KIDINS220: variants seen among roughly 807,000 people sequenced by gnomAD.
The protein encoded by KIDINS220 is kinase D-interacting substrate of 220 kDa.
A neutral mutation model predicts 157.6 loss-of-function variants in KIDINS220; 63 were observed. That is an observed-to-expected ratio of 0.40 (90% CI 0.33 to 0.49). KIDINS220 has a LOEUF of 0.49. Among genes scored for constraint, KIDINS220 ranks in the 20% least tolerant of loss-of-function variants. KIDINS220 has a pLI of 0.66. For missense variants in KIDINS220, 1,772 were observed against 2,171.2 expected (o/e 0.82, Z 3.65); for synonymous variants, 732 against 783.6 (o/e 0.93, Z 1.10).
chr2:8,804,796 T>C (rs575556511), intron 7 of KIDINS220, among the ~76,000 whole-genome samples: 45 of 152,230 alleles, frequency 3.0e-4, no homozygotes, highest in Non-Finnish European at 5.6e-4. Context: ...TATGACCAGA[T>C]GTGTGGGGTT....
At chr2:8,768,779 T>C (rs1474476129) in intron 22 of KIDINS220, among the ~76,000 whole-genome samples, 1 of 152,144 alleles carries the variant, frequency 6.6e-6, no homozygotes, top group East Asian at 1.9e-4. Context: ...CATAATCATC[T>C]AGATTATTCT....
At chr2:8,785,364 G>A (rs1306447055) in intron 17 of KIDINS220, among the ~76,000 whole-genome samples, 1 of 152,122 alleles carries the variant, frequency 6.6e-6, no homozygotes, top group Admixed American at 6.6e-5. Flanking sequence ...ATTTGTCCAA[G>A]CCCACAGAAT....
At chr2:8,798,514 A>G (rs1008803665) in intron 9 of KIDINS220, among the ~76,000 whole-genome samples, 1 of 152,210 alleles carries the variant, frequency 6.6e-6, no homozygotes, top group Non-Finnish European at 1.5e-5. Context: ...AAAAGTAGCA[A>G]TCCCACATAG....
intron 6 of KIDINS220, among the ~76,000 whole-genome samples, chr2:8,808,116 T>C (rs143682045): frequency 3.3e-5 from 5 of 151,072 alleles, no homozygotes; most frequent in Admixed American, 3.3e-4. Context: ...AGAGCAAGAC[T>C]CTGTCTCAAA....
rs752721411 is a variant in KIDINS220, at chr2:8,786,365, A to G, written c.1788-8T>C. 1.5e-5 allele frequency: 24 copies of G among 1,606,366 alleles called. No individual in the cohort carries two copies. Among genetic ancestry groups the G allele is most frequent in the Middle Eastern group, 3.3e-4 (2 of 6,068 alleles). On this transcript the variant is annotated splice_region_variant and splice_polypyrimidine_tract_variant and intron_variant, in intron 15 of 29. Coordinates refer to ENST00000256707, the MANE Select transcript of KIDINS220 (RefSeq NM_020738.4). ...TAATCTGTAAACAAAAACCTTGAAG[A>G]AAAGAACAAATCAAACATTACTTTA...
chr2:8,787,494 A>G (rs936751454), intron 15 of KIDINS220, among the ~76,000 whole-genome samples: 3 of 151,300 alleles, frequency 2.0e-5, no homozygotes, highest in Non-Finnish European at 2.9e-5. Context: ...TCAGCCTCCC[A>G]AGCAGCTAGA....
At chr2:8,788,404 G>A (rs901876233) in intron 15 of KIDINS220, among the ~76,000 whole-genome samples, 1 of 152,002 alleles carries the variant, frequency 6.6e-6, no homozygotes, top group Non-Finnish European at 1.5e-5. Context: ...AAGTAGCTAG[G>A]ACTACAGGCA....
At chr2:8,787,193 T>C (rs1026695000) in intron 15 of KIDINS220, among the ~76,000 whole-genome samples, 1 of 152,172 alleles carries the variant, frequency 6.6e-6, no homozygotes, top group African/African-American at 2.4e-5. Context: ...TGTTTTCCTT[T>C]TAACTTTTTC....
rs755623980 is a variant in KIDINS220, at chr2:8,786,277, T to A, written c.1868A>T (p.Asp623Val). 5 of 1,614,116 alleles carry A rather than the reference T, an allele frequency of 3.1e-6. No homozygotes were observed. In the Admixed American group the frequency reaches 6.7e-5, roughly 22 times the overall value. Residue 623 changes from aspartate to valine, a missense_variant, in exon 16 of 30, where the codon GAT becomes GTT. Physicochemically the swap from Asp to Val is radical, Grantham distance 152. Transcript: ENST00000256707. Reference sequence around the variant, plus strand: ...AAAGCCAAACTCTCTTTCACAAGCATCCGAGAGGGTTGCAATCATTTCAGC... The same window carrying A: ...AAAGCCAAACTCTCTTTCACAAGCAACCGAGAGGGTTGCAATCATTTCAGC... ...SLAEMIATLS[D>V]ACEREFGFLA...
At position 8,831,066 on chromosome 2, in the gene KIDINS220, C is replaced by T. The variant is rs540097552; in HGVS notation, c.-36-3937G>A. Among the ~76,000 whole-genome samples, 3 of 152,286 alleles carry T rather than the reference C, an allele frequency of 2.0e-5. No homozygotes were observed. In the East Asian group the frequency reaches 5.8e-4, roughly 29 times the overall value. On this transcript the variant is annotated intron_variant, in intron 1 of 29. Coordinates refer to ENST00000256707, the MANE Select transcript of KIDINS220 (RefSeq NM_020738.4). Reference sequence around the variant, plus strand: ...AAGAGTGACCTACAATACATCTCTCCTAAAACCAAGGTTGGGAGGACAGAT... The same window carrying T: ...AAGAGTGACCTACAATACATCTCTCTTAAAACCAAGGTTGGGAGGACAGAT...
At chr2:8,786,832 C>A (rs1672463639) in intron 15 of KIDINS220, among the ~76,000 whole-genome samples, 1 of 152,170 alleles carries the variant, frequency 6.6e-6, no homozygotes. Context: ...TTTAAAAACT[C>A]AAGTTTTAGC....
intron 21 of KIDINS220, among the ~76,000 whole-genome samples, chr2:8,771,391 C>T (rs2148165087): frequency 6.6e-6 from 1 of 152,296 alleles, no homozygotes; most frequent in East Asian, 1.9e-4. Context: ...TATTTTAAAA[C>T]AACCCTGTCT....
At chr2:8,830,416 C>T (rs1213343292) in intron 1 of KIDINS220, among the ~76,000 whole-genome samples, 1 of 152,062 alleles carries the variant, frequency 6.6e-6, no homozygotes, top group Non-Finnish European at 1.5e-5. Context: ...AGCCTCAAAT[C>T]AGATCGTTTA....
intron 1 of KIDINS220, among the ~76,000 whole-genome samples, chr2:8,833,808 C>A (rs1309988329): frequency 6.6e-6 from 1 of 152,162 alleles, no homozygotes; most frequent in East Asian, 1.9e-4. Flanking sequence ...AATGTCAGAA[C>A]AAAAAATTTA....
At chr2:8,828,441 A>T (rs550614727) in intron 1 of KIDINS220, among the ~76,000 whole-genome samples, 7 of 152,326 alleles carry the variant, frequency 4.6e-5, no homozygotes, top group Admixed American at 3.3e-4. Flanking sequence ...CATATTGTTC[A>T]CTTATTGTCT....
At chr2:8,744,388 A>ATATATCTATCT (rs1558328231) in intron 26 of KIDINS220, among the ~76,000 whole-genome samples, 2 of 26,160 alleles carry the variant, frequency 7.6e-5, no homozygotes, top group Non-Finnish European at 1.2e-4. Flanking sequence ...AAAAAAAAAA[A>ATATATCTATCT]ATATATATAT....
intron 21 of KIDINS220, among the ~76,000 whole-genome samples, chr2:8,775,186 T>C (rs971121823): frequency 2.0e-5 from 3 of 152,208 alleles, no homozygotes; most frequent in Admixed American, 6.5e-5. Context: ...GAATCAAACA[T>C]TCAATTGTGG....
At chr2:8,827,218 T>C in intron 1 of KIDINS220, 89 bp from the exon 2 acceptor site, 1 of 544,454 alleles carries the variant, frequency 1.8e-6, no homozygotes, top group Non-Finnish European at 3.2e-6. Context: ...ATTAACCTCA[T>C]GCAAGGACAC....
chr2:8,795,231 T>C (rs1369216918), intron 11 of KIDINS220, among the ~76,000 whole-genome samples: 2 of 152,196 alleles, frequency 1.3e-5, no homozygotes, highest in African/African-American at 2.4e-5. Flanking sequence ...TCCCAATGTC[T>C]ACTGGCCACA....
Sources: allele counts gnomAD v4.1 joint callset (sites outside exome capture counted in the v4.1 genomes callset), GRCh38; gene constraint gnomAD v4.1.1; transcripts MANE v1.5; gene names NCBI Gene and HGNC (gene_info 2026-07-23, HGNC 2026-07-21).